ACP7: variants seen among roughly 807,000 people sequenced by gnomAD.
ACP7 encodes acid phosphatase 7, tartrate resistant (putative).
In ACP7, 58 loss-of-function variants were observed where a neutral mutation model predicts 60.6. The ratio of observed to expected loss-of-function variants is 0.96; its 90% CI spans 0.77 to 1.19. ACP7 has a LOEUF of 1.19. ACP7 is among the 50% of genes most tolerant of loss of function. The pLI is 0.00. For missense variants in ACP7, 574 were observed against 596.2 expected, an observed-to-expected ratio of 0.96 and a Z score of 0.39; for synonymous variants, 237 against 232.6, an observed-to-expected ratio of 1.02 and a Z score of -0.17.
At chr19:39,099,183 C>A (rs778318559) in intron 4 of ACP7, 41 bp downstream of exon 4, 4 of 1,458,758 alleles carry the variant, frequency 2.7e-6, no homozygotes, top group East Asian at 2.6e-5. Flanking sequence ...CGGTGGGGGG[C>A]GCGCGCAGGG....
At chr19:39,084,179 G>T, upstream of ACP7, 1 of 152,462 alleles carries the variant, frequency 6.6e-6, no homozygotes, top group Non-Finnish European at 1.5e-5. Context: ...GCCACGCCCT[G>T]GTGGGGTGGG....
intron 2 of ACP7, among the ~76,000 whole-genome samples, chr19:39,093,105 T>TTTC (rs1491401085): frequency 7.4e-6 from 1 of 134,522 alleles, no homozygotes; most frequent in African/African-American, 2.9e-5. Flanking sequence ...TTTCTTTTTT[T>TTTC]CTTTTTCTTT....
rs1475279813 is a variant in ACP7, at chr19:39,094,090, G to A, written c.122-4368G>A. Among the ~76,000 whole-genome samples, 3 of 152,246 alleles carry A rather than the reference G, an allele frequency of 2.0e-5. No homozygotes were observed. The East Asian group carries it at 5.8e-4, about 29-fold the overall frequency. On this transcript the variant is annotated intron_variant, in intron 2 of 12. Coordinates refer to ENST00000331256, the MANE Select transcript of ACP7 (RefSeq NM_001004318.3). ...TCTTAACATTACACTACACCACACG[G>A]TATTTTTAAAACCTTGACTTGGGTG...
chr19:39,098,430 G>A (rs369926607), intron 2 of ACP7, 28 bp from the exon 3 acceptor site: 9 of 796,590 alleles, frequency 1.1e-5, no homozygotes, highest in South Asian at 1.7e-5. Context: ...CTTCACTCCC[G>A]GTCTACCCTC....
At chr19:39,095,419 A>G (rs1427054381) in intron 2 of ACP7, among the ~76,000 whole-genome samples, 1 of 152,232 alleles carries the variant, frequency 6.6e-6, no homozygotes, top group African/African-American at 2.4e-5. Context: ...TAAAGCTCCA[A>G]AATGATTTCC....
chr19:39,107,599 A>T (rs910303386), intron 12 of ACP7, among the ~76,000 whole-genome samples: 1 of 150,212 alleles, frequency 6.7e-6, no homozygotes, highest in Non-Finnish European at 1.5e-5. Flanking sequence ...AAAAAAAAAA[A>T]ATTAGGCCAG....
At chr19:39,085,964 T>A (rs1448296401) in intron 2 of ACP7, among the ~76,000 whole-genome samples, 1 of 152,088 alleles carries the variant, frequency 6.6e-6, no homozygotes, top group Non-Finnish European at 1.5e-5. Flanking sequence ...AGTCTCCTCA[T>A]CTGGATAATG....
chr19:39,095,683 G>T (rs1372297008), intron 2 of ACP7, among the ~76,000 whole-genome samples: 1 of 152,214 alleles, frequency 6.6e-6, no homozygotes, highest in Non-Finnish European at 1.5e-5. Context: ...GACTCTGTGT[G>T]GGGGCTCCAG....
intron 2 of ACP7, among the ~76,000 whole-genome samples, chr19:39,086,781 T>C (rs1410366197): frequency 6.6e-6 from 1 of 152,104 alleles, no homozygotes; most frequent in Non-Finnish European, 1.5e-5. Context: ...CTAAAATTTA[T>C]GGAGAAGTTC....
chr19:39,101,282 T>C lies in ACP7; in HGVS notation c.974-6T>C, dbSNP rs778158831. ...AGAGGTCTGATCCCCGCTTGCTCTA[T>C]CTCAGGAGTGGATCTGCAGCTGTGG... On this transcript the variant is annotated splice_region_variant and splice_polypyrimidine_tract_variant and intron_variant, in intron 9 of 12. Transcript: ENST00000331256. 2 of 1,614,176 alleles carry C rather than the reference T, an allele frequency of 1.2e-6. No individual in the cohort carries two copies. The highest frequency in any genetic ancestry group is 1.3e-5 in the African/African-American group (1 of 75,042).
At chr19:39,097,104 A>G (rs1291811712) in intron 2 of ACP7, among the ~76,000 whole-genome samples, 1 of 152,154 alleles carries the variant, frequency 6.6e-6, no homozygotes, top group East Asian at 1.9e-4. Flanking sequence ...CTGGCTAGTG[A>G]AAAGCATTTC....
At chr19:39,106,835 C>G in intron 11 of ACP7, 112 bp from the exon 12 acceptor site, 2 of 1,371,016 alleles carry the variant, frequency 1.5e-6, no homozygotes, top group Admixed American at 3.9e-5. Flanking sequence ...CTATGGTGGT[C>G]AAGTCTTCAC....
chr19:39,109,685 T>TAAAAA (rs34682645), intron 12 of ACP7, among the ~76,000 whole-genome samples: 2 of 65,506 alleles, frequency 3.1e-5, no homozygotes, highest in African/African-American at 7.3e-5. Flanking sequence ...AGACTCTGTC[T>TAAAAA]AAAAAAAAAA....
intron 2 of ACP7, among the ~76,000 whole-genome samples, chr19:39,091,037 C>A (rs761487128): frequency 6.6e-6 from 1 of 152,068 alleles, no homozygotes; most frequent in Non-Finnish European, 1.5e-5. Flanking sequence ...TTACAACAAG[C>A]CTCCATCATT....
In ACP7 at chr19:39,110,164, G is replaced by A; in HGVS notation, c.*46G>A. The A allele has an allele frequency of 3.2e-6, 5 of 1,574,768 alleles. No individual in the cohort carries two copies. The highest frequency in any genetic ancestry group is 4.4e-6 in the Non-Finnish European group (5 of 1,145,958). On this transcript the variant is annotated 3_prime_UTR_variant, in exon 13 of 13. Transcript: ENST00000331256. Reference sequence around the variant, plus strand: ...CAGAAGCCTAGGTTTTGCCGCCTTGGCTGCTGTGACCAGAAACTGCCCAGG... The same window carrying A: ...CAGAAGCCTAGGTTTTGCCGCCTTGACTGCTGTGACCAGAAACTGCCCAGG...
At chr19:39,093,273 C>T (rs748552013) in intron 2 of ACP7, among the ~76,000 whole-genome samples, 9 of 144,512 alleles carry the variant, frequency 6.2e-5, no homozygotes, top group Non-Finnish European at 1.4e-4. Context: ...TTTTTCGAGA[C>T]GGGGTCTTGC....
At chr19:39,085,447 T>C in intron 2 of ACP7, 57 bp downstream of exon 2, 2 of 1,534,238 alleles carry the variant, frequency 1.3e-6, no homozygotes, top group Non-Finnish European at 1.8e-6. Context: ...CGGTGCTTCG[T>C]TGTTTGAGGG....
Position 39,100,870 on chromosome 19 carries a change from C to A in ACP7, c.807+17C>A. The A allele has an allele frequency of 6.2e-7, 1 of 1,611,342 alleles. No individual in the cohort carries two copies. Among genetic ancestry groups the A allele is most frequent in the Non-Finnish European group, 8.5e-7 (1 of 1,178,908 alleles). ...GACCTCCAGGTAACCTGGGTGGAGGCCCCTATAGTCCCCTGGCCAGCCCCA... is the reference window on the plus strand; with the variant it reads ...GACCTCCAGGTAACCTGGGTGGAGGACCCTATAGTCCCCTGGCCAGCCCCA... On this transcript the variant is annotated intron_variant, in intron 7 of 12. Coordinates refer to ENST00000331256, the MANE Select transcript of ACP7 (RefSeq NM_001004318.3).
chr19:39,100,539 T>G (rs759165966), intron 5 of ACP7, 41 bp from the exon 6 acceptor site: 1 of 1,609,670 alleles, frequency 6.2e-7, no homozygotes, highest in Admixed American at 1.7e-5. Flanking sequence ...GCTATGAAAT[T>G]CAGTCCTTCA....
Sources: gnomAD v4.1 joint callset for allele counts (sites outside exome capture counted in the v4.1 genomes callset) on GRCh38, gnomAD v4.1.1 for gene constraint, MANE v1.5 for transcripts, NCBI Gene and HGNC (gene_info 2026-07-23, HGNC 2026-07-21) for gene names.